Variants in DPYSL2 observed in about 807,000 individuals in gnomAD.
The protein encoded by DPYSL2 is dihydropyrimidinase like 2.
Under a neutral mutation model 69.9 loss-of-function variants are expected in DPYSL2, and 13 were observed. That is an observed-to-expected ratio of 0.19 (90% CI 0.12 to 0.30). The LOEUF (loss-of-function observed/expected upper bound fraction) is 0.30, where lower values mean the gene tolerates loss of function less well. Ranked by LOEUF, DPYSL2 falls within the 10% of genes least tolerant of loss-of-function variation. The pLI is 1.00. For synonymous variants in DPYSL2, 326 were observed against 359.1 expected, an observed-to-expected ratio of 0.91 and a Z score of 1.04; for missense variants, 587 against 918.9, an observed-to-expected ratio of 0.64 and a Z score of 4.67.
chr8:26,560,127 A>C lies in DPYSL2; in HGVS notation c.355-21842A>C, dbSNP rs1272668570. 6.6e-6 allele frequency among the ~76,000 whole-genome samples: 1 copy of C among 152,238 alleles called. No homozygotes were observed. The highest frequency in any genetic ancestry group is 2.4e-5 in the African/African-American group (1 of 41,466). On this transcript the variant is annotated intron_variant, in intron 1 of 13. Coordinates refer to ENST00000521913, the MANE Select transcript of DPYSL2 (RefSeq NM_001197293.3). This position sits in a 1 kb window ranked among gnomAD's most constrained non-coding sequence, Gnocchi z 4.4. ...ATGCTAAGCAGAGTTGGTTTAGCAG[A>C]AGACAGGGTGTAATAATTAATCAGG...
rs773523059 is a variant in DPYSL2, at chr8:26,653,404, T to C, written c.1942+7T>C. ...TCTGGATTCAGTTTGTCTGGTAGGG[T>C]TGGGGCTTGGGGAGGGCACAGTTCT... On this transcript the variant is annotated splice_region_variant and intron_variant, in intron 13 of 13. Transcript: ENST00000521913. The surrounding 1 kb of genome is among the most constrained non-coding windows in gnomAD (Gnocchi z 5.7). 3.7e-6 allele frequency: 6 copies of C among 1,610,162 alleles called. No homozygotes were observed. Among genetic ancestry groups the C allele is most frequent in the Non-Finnish European group, 4.2e-6 (5 of 1,177,858 alleles).
chr8:26,576,805 C>T (rs1801354930), intron 1 of DPYSL2, among the ~76,000 whole-genome samples: 1 of 152,244 alleles, frequency 6.6e-6, no homozygotes, highest in African/African-American at 2.4e-5. Context: ...TCCTCTCCGC[C>T]CCACGGTGCG....
At chr8:26,519,903 T>C (rs954968012) in intron 1 of DPYSL2, among the ~76,000 whole-genome samples, 1 of 152,234 alleles carries the variant, frequency 6.6e-6, no homozygotes, top group Admixed American at 6.5e-5. Context: ...ATGTTACTCT[T>C]ATTCTTATTT....
chr8:26,601,022 A>G (rs907213151), intron 3 of DPYSL2, among the ~76,000 whole-genome samples: 21 of 151,884 alleles, frequency 1.4e-4, no homozygotes, highest in African/African-American at 4.8e-4. Context: ...GGGTCCAGGC[A>G]CTCTCAGCCA....
chr8:26,524,234 T>C (rs1463754845), intron 1 of DPYSL2, among the ~76,000 whole-genome samples: 4 of 152,122 alleles, frequency 2.6e-5, no homozygotes, highest in Admixed American at 6.5e-5. Context: ...TCCTACTGAA[T>C]GGGAGATGGT....
chr8:26,632,706 G>A (rs866489878), intron 7 of DPYSL2, among the ~76,000 whole-genome samples: 1 of 152,188 alleles, frequency 6.6e-6, no homozygotes, highest in African/African-American at 2.4e-5. Context: ...CTGTATCTCT[G>A]GGAGGTGCTG....
chr8:26,591,769 T>G lies in DPYSL2; in HGVS notation c.628+7786T>G, dbSNP rs996587624. Among the ~76,000 whole-genome samples the G allele has an allele frequency of 6.6e-6, 1 of 152,124 alleles. No individual in the cohort carries two copies. The highest frequency in any genetic ancestry group is 1.5e-5 in the Non-Finnish European group (1 of 68,028). ...CCGCTTTCTCTTTGTCATCCCCCCA[T>G]GGCAGCCCCTCTGCCTCTGGAGAAT... On this transcript the variant is annotated intron_variant, in intron 3 of 13. Transcript: ENST00000521913. This position sits in a 1 kb window ranked among gnomAD's most constrained non-coding sequence, Gnocchi z 5.8.
In DPYSL2 at chr8:26,541,919, G is replaced by A. The variant is rs560005033; in HGVS notation, c.354+27240G>A. Among the ~76,000 whole-genome samples the A allele has an allele frequency of 2.5e-3, 385 of 152,214 alleles. 8 individuals are homozygous for A. Among genetic ancestry groups the A allele is most frequent in the Non-Finnish European group, 1.3e-3 (90 of 68,012 alleles). On this transcript the variant is annotated intron_variant, in intron 1 of 13. Coordinates refer to ENST00000521913, the MANE Select transcript of DPYSL2 (RefSeq NM_001197293.3). Reference sequence around the variant, plus strand: ...CAAATAGAAAATAATTAACAAAATGGCAATGGTAAATCCTCATTAATAATT... The same window carrying A: ...CAAATAGAAAATAATTAACAAAATGACAATGGTAAATCCTCATTAATAATT...
intron 1 of DPYSL2, chr8:26,578,351 G>C: frequency 5.0e-6 from 8 of 1,604,734 alleles, no homozygotes; most frequent in Non-Finnish European, 6.8e-6. Context: ...AGCACAGAAG[G>C]TCTAAGGAAT....
At chr8:26,623,681 A>G (rs556048796) in intron 3 of DPYSL2, among the ~76,000 whole-genome samples, 2 of 152,246 alleles carry the variant, frequency 1.3e-5, no homozygotes, top group African/African-American at 2.4e-5. Flanking sequence ...GTAATGAGAG[A>G]GCAGGTAATG....
intron 11 of DPYSL2, among the ~76,000 whole-genome samples, chr8:26,651,716 T>G (rs554019839): frequency 2.0e-4 from 31 of 152,346 alleles, no homozygotes; most frequent in African/African-American, 6.7e-4. Flanking sequence ...GCTACATTGT[T>G]CTGGAAATTA....
chr8:26,548,726 A>G (rs1194115964), intron 1 of DPYSL2, among the ~76,000 whole-genome samples: 2 of 151,944 alleles, frequency 1.3e-5, no homozygotes, highest in Admixed American at 6.6e-5. Flanking sequence ...CTTAAAAAAA[A>G]AAAGTCACCA....
chr8:26,535,992 G>A (rs1800586959), intron 1 of DPYSL2, among the ~76,000 whole-genome samples: 1 of 150,770 alleles, frequency 6.6e-6, no homozygotes, highest in Non-Finnish European at 1.5e-5. Flanking sequence ...TGTGATCATG[G>A]CTCACCACAG....
Position 26,571,689 on chromosome 8 carries a change from G to A in DPYSL2, c.355-10280G>A, listed in dbSNP as rs1163496707. ...TTCCTGCAGGGAGGATGTGTCCTCA[G>A]AATCCTAGCAGAGCCCCCATGCTGG... On this transcript the variant is annotated intron_variant, in intron 1 of 13. Transcript: ENST00000521913. This position sits in a 1 kb window ranked among gnomAD's most constrained non-coding sequence, Gnocchi z 6.1. 1.3e-5 allele frequency among the ~76,000 whole-genome samples: 2 copies of A among 152,210 alleles called. No individual in the cohort carries two copies. The highest frequency in any genetic ancestry group is 2.9e-5 in the Non-Finnish European group (2 of 68,034).
chr8:26,527,617 T>C (rs1808501684), intron 1 of DPYSL2, among the ~76,000 whole-genome samples: 3 of 152,012 alleles, frequency 2.0e-5, no homozygotes, highest in Admixed American at 2.0e-4. Flanking sequence ...AAAAATGAAT[T>C]GGGGGGGCTG....
chr8:26,629,727 T>C (rs80065748), intron 7 of DPYSL2, among the ~76,000 whole-genome samples: 20,510 of 152,192 alleles, frequency 0.13, 1,595 homozygotes, highest in Non-Finnish European at 0.18. Context: ...ACCATAAACA[T>C]GCCTGAGGCT....
Position 26,652,460 on chromosome 8 carries a change from T to G in DPYSL2, c.1776+24T>G. 1.3e-6 allele frequency: 2 copies of G among 1,577,918 alleles called. No individual in the cohort carries two copies. The highest frequency in any genetic ancestry group is 1.1e-5 in the South Asian group (1 of 86,980). On this transcript the variant is annotated intron_variant, in intron 12 of 13. Coordinates refer to ENST00000521913, the MANE Select transcript of DPYSL2 (RefSeq NM_001197293.3). The surrounding 1 kb of genome is among the most constrained non-coding windows in gnomAD (Gnocchi z 6.3). The stretch of plus-strand genomic sequence containing the variant: ...GGGTGAGTAGTTTTGTTCTGATGAA[T>G]TTTTTGTTAAATCACGAATTAAGTT...
Position 26,588,163 on chromosome 8 carries a change from C to G in DPYSL2, c.628+4180C>G, listed in dbSNP as rs1801645827. On this transcript the variant is annotated intron_variant, in intron 3 of 13. Transcript: ENST00000521913. The surrounding 1 kb of genome is among the most constrained non-coding windows in gnomAD (Gnocchi z 5.4). ...CATCCTTGCTGGGTACTGACACCCT[C>G]CCATCTCTTGTACACTGAGCTCTAC... 6.6e-6 allele frequency among the ~76,000 whole-genome samples: 1 copy of G among 152,220 alleles called. No individual in the cohort carries two copies. Among genetic ancestry groups the G allele is most frequent in the East Asian group, 1.9e-4 (1 of 5,190 alleles).
At chr8:26,543,654 A>G (rs1383689573) in intron 1 of DPYSL2, among the ~76,000 whole-genome samples, 1 of 152,026 alleles carries the variant, frequency 6.6e-6, no homozygotes, top group East Asian at 1.9e-4. Flanking sequence ...CGCCCAGCTA[A>G]TTTTATATTT....
Sources: gnomAD v4.1 joint callset for allele counts (sites outside exome capture counted in the v4.1 genomes callset) on GRCh38, gnomAD v4.1.1 for gene constraint, Gnocchi (gnomAD v3.1) non-coding constraint, MANE v1.5 for transcripts, NCBI Gene and HGNC (gene_info 2026-07-23, HGNC 2026-07-21) for gene names.